CLCNKA: variants seen among roughly 807,000 people sequenced by gnomAD.
The protein encoded by CLCNKA is chloride voltage-gated channel Ka, also known as chloride channel protein ClC-Ka.
Under a neutral mutation model 83.3 loss-of-function variants are expected in CLCNKA, and 66 were observed. The observed-to-expected ratio is 0.79, with a 90% CI of 0.65 to 0.97. The LOEUF is 0.97. CLCNKA is among the 50% of genes least tolerant of loss of function. The pLI is 0.00. For synonymous variants in CLCNKA, 357 were observed against 370.4 expected (o/e 0.96, Z 0.42); for missense variants, 806 against 888.7 (o/e 0.91, Z 1.18).
intron 15 of CLCNKA, 56 bp from the exon 16 acceptor site, chr1:16,031,654 G>T: frequency 5.0e-6 from 8 of 1,612,746 alleles, no homozygotes; most frequent in Non-Finnish European, 6.8e-6. Flanking sequence ...TCCCCTTGCT[G>T]GCCTGGGTCT....
At chr1:16,028,224 C>G in intron 10 of CLCNKA, 105 bp downstream of exon 10, 1 of 1,044,006 alleles carries the variant, frequency 9.6e-7, no homozygotes, top group South Asian at 1.3e-5. Flanking sequence ...CCCCTAAATC[C>G]CTCCCTAGCC....
Position 16,031,860 on chromosome 1 carries a change from G to C in CLCNKA, c.1756+17G>C. 3.1e-6 allele frequency: 5 copies of C among 1,613,654 alleles called. No individual in the cohort carries two copies. Among genetic ancestry groups the C allele is most frequent in the Non-Finnish European group, 4.2e-6 (5 of 1,180,008 alleles). ...AGAGCACAGGTGCCCAGCTGGAAGGGAGGAGGAAGTCGGGGGTAGGGGATG... is the reference window on the plus strand; with the variant it reads ...AGAGCACAGGTGCCCAGCTGGAAGGCAGGAGGAAGTCGGGGGTAGGGGATG... On this transcript the variant is annotated intron_variant, in intron 16 of 19. Coordinates refer to ENST00000331433, the MANE Select transcript of CLCNKA (RefSeq NM_004070.4).
At chr1:16,026,268 A>G in intron 5 of CLCNKA, 21 bp downstream of exon 5, 1 of 1,612,208 alleles carries the variant, frequency 6.2e-7, no homozygotes, top group Non-Finnish European at 8.5e-7. Context: ...GTGTGAGGGC[A>G]CCCCAGCCAC....
At chr1:16,023,289 C>T (rs2022214691) in intron 2 of CLCNKA, among the ~76,000 whole-genome samples, 1 of 152,234 alleles carries the variant, frequency 6.6e-6, no homozygotes, top group Non-Finnish European at 1.5e-5. Flanking sequence ...GCCACAGGCC[C>T]TGGGACACGC....
In CLCNKA at chr1:16,030,012, C is replaced by A; in HGVS notation, c.1345C>A (p.Pro449Thr). ...LLGEALAVAF[P>T]EGIVTGGVTN... is the part of the protein sequence containing the mutation. ...GGGAGAGGCTCTTGCCGTCGCCTTC[C>A]CTGAGGGCATTGTGACTGGAGGGGT... The change falls in exon 14 of 20, where the codon CCT becomes ACT. Residue 449 changes from proline to threonine, a missense_variant. Physicochemically the swap from Pro to Thr is conservative, Grantham distance 38. Coordinates refer to ENST00000331433, the MANE Select transcript of CLCNKA (RefSeq NM_004070.4). The A allele has an allele frequency of 1.2e-6, 2 of 1,611,156 alleles. No individual in the cohort carries two copies. The highest frequency in any genetic ancestry group is 1.7e-6 in the Non-Finnish European group (2 of 1,177,728).
In CLCNKA at chr1:16,026,205, C is replaced by G; in HGVS notation, c.456C>G (p.Ser152=). ...TTGGGGCCAAGGTGGTGGGCCTCTC[C>G]TGCACCCTGGCCACCGGCAGCACCC... ...KNFGAKVVGL[S]CTLATGSTLF... The change falls in exon 5 of 20, where the codon TCC becomes TCG. Residue 152 remains serine (S), a synonymous_variant. Transcript: ENST00000331433. 2 of 1,613,934 alleles carry G rather than the reference C, an allele frequency of 1.2e-6. No homozygotes were observed. Among genetic ancestry groups the G allele is most frequent in the Non-Finnish European group, 1.7e-6 (2 of 1,180,026 alleles).
At chr1:16,023,279 G>A (rs1422457185) in intron 2 of CLCNKA, among the ~76,000 whole-genome samples, 1 of 152,218 alleles carries the variant, frequency 6.6e-6, no homozygotes, top group Non-Finnish European at 1.5e-5. Flanking sequence ...GATACCTGGC[G>A]CCACAGGCCC....
Position 16,032,447 on chromosome 1 carries a change from G to A in CLCNKA, c.1850G>A (p.Cys617Tyr). 2 of 1,612,610 alleles carry A rather than the reference G, an allele frequency of 1.2e-6. No homozygotes were observed. Among genetic ancestry groups the A allele is most frequent in the Non-Finnish European group, 1.7e-6 (2 of 1,179,314 alleles). The change falls in exon 18 of 20, where the codon TGT becomes TAT. Residue 617 changes from cysteine (C) to tyrosine (Y), a missense_variant. By Grantham distance (194) the Cys-to-Tyr change is radical. Transcript: ENST00000331433. ...ATAACTCTTCCCCACTCCCAGCAGT[G>A]TCTCCAGGACATCTTGGCCAGGGGC... Reference protein sequence around the residue: ...PPSRAPGHQQCLQDILARGCP... With the variant: ...PPSRAPGHQQYLQDILARGCP...
intron 18 of CLCNKA, 36 bp from the exon 19 acceptor site, chr1:16,033,134 C>T (rs760153509): frequency 3.1e-6 from 5 of 1,607,824 alleles, no homozygotes; most frequent in Non-Finnish European, 4.3e-6. Context: ...TGGGCGCCAT[C>T]TACCCTCCAG....
rs201643474 is a variant in CLCNKA at position 16,024,800 on chromosome 1, C to A, written c.267C>A (p.His89Gln). 31 of 1,614,032 alleles carry A rather than the reference C, an allele frequency of 1.9e-5. No homozygotes were observed. The highest frequency in any genetic ancestry group is 2.5e-5 in the Non-Finnish European group (29 of 1,180,038). The change falls in exon 4 of 20, where the codon CAC (histidine) becomes CAA (glutamine). Residue 89 changes from histidine to glutamine, a missense_variant. Transcript: ENST00000331433. ...QWLYREIGDS[H>Q]LLRYLSWTVY... is the part of the protein sequence containing the mutation. ...TGTACAGGGAGATTGGGGACAGCCACCTGCTCCGGTATCTTTCCTGGACTG... is the reference window on the plus strand; with the variant it reads ...TGTACAGGGAGATTGGGGACAGCCAACTGCTCCGGTATCTTTCCTGGACTG...
rs760288866 is a variant in CLCNKA at position 16,029,202 on chromosome 1, C to T, written c.1130C>T (p.Pro377Leu). The change falls in exon 12 of 20, where the codon CCC (proline) becomes CTC (leucine). Residue 377 changes from proline (P) to leucine (L), a missense_variant. Pro to Leu is a moderately conservative substitution (Grantham distance 98). Coordinates refer to ENST00000331433, the MANE Select transcript of CLCNKA (RefSeq NM_004070.4). ...WALMTQNSSP[P>L]WPEELDPQHL... ...CTGATGACCCAGAACTCCAGCCCAC[C>T]CTGGCCCGAGGAGCTCGACCCCCAG... The T allele has an allele frequency of 1.9e-6, 3 of 1,613,498 alleles. No homozygotes were observed. The highest frequency in any genetic ancestry group is 3.3e-5 in the Admixed American group (2 of 60,014).
At chr1:16,029,655 C>A in intron 12 of CLCNKA, 76 bp from the exon 13 acceptor site, 1 of 1,549,556 alleles carries the variant, frequency 6.5e-7, no homozygotes, top group Non-Finnish European at 8.9e-7. Flanking sequence ...ACTCCCCTGT[C>A]CCCTGTCCTG....
rs372743019 is a variant in CLCNKA, at chr1:16,029,089, G to T, written c.1054-37G>T. 12 of 1,602,734 alleles carry T rather than the reference G, an allele frequency of 7.5e-6. No homozygotes were observed. In the South Asian group the frequency reaches 9.9e-5, roughly 13 times the overall value. On this transcript the variant is annotated intron_variant, in intron 11 of 19. Transcript: ENST00000331433. ...GAGGCTGGGGTCTGCCGCTGGGGGG[G>T]GCCCCTCATGTCCAGTTCCCACCTG... is the stretch of plus-strand genomic sequence containing the variant.
Position 16,029,810 on chromosome 1 carries a change from G to T in CLCNKA, c.1297+10G>T. On this transcript the variant is annotated intron_variant, in intron 13 of 19. Coordinates refer to ENST00000331433, the MANE Select transcript of CLCNKA (RefSeq NM_004070.4). ...CCCATCTTTATCCTTGGTGAGTCTG[G>T]GGTCCTGAGGTTCTGAGAGTTTTGG... 1.2e-6 allele frequency: 2 copies of T among 1,614,092 alleles called. No individual in the cohort carries two copies. The highest frequency in any genetic ancestry group is 1.7e-6 in the Non-Finnish European group (2 of 1,180,002).
At position 16,026,626 on chromosome 1, in the gene CLCNKA, G is replaced by A. The variant is rs1324566914; in HGVS notation, c.576+13G>A. 2 of 1,613,998 alleles carry A rather than the reference G, an allele frequency of 1.2e-6. No homozygotes were observed. Among genetic ancestry groups the A allele is most frequent in the East Asian group, 4.5e-5 (2 of 44,874 alleles). On this transcript the variant is annotated intron_variant, in intron 6 of 19. Coordinates refer to ENST00000331433, the MANE Select transcript of CLCNKA (RefSeq NM_004070.4). ...CGGGGAGCCTGAGGTTAGGGACTCG[G>A]GGGCTTCCTTGGAGAAATGGGAGTG...
At chr1:16,029,411 T>G (rs1483508513) in intron 12 of CLCNKA, 112 bp downstream of exon 12, 13 of 1,506,004 alleles carry the variant, frequency 8.6e-6, no homozygotes, top group African/African-American at 1.4e-5. Context: ...TCACCCACAC[T>G]TCCTTCTGTG....
At chr1:16,025,421 CA>C (rs1366940114) in intron 4 of CLCNKA, among the ~76,000 whole-genome samples, 3 of 152,214 alleles carry the variant, frequency 2.0e-5, no homozygotes, top group Admixed American at 6.5e-5. Flanking sequence ...TCTATAATCC[CA>C]GCACTTTGGG....
chr1:16,033,283 A>G (rs368630991), intron 19 of CLCNKA, 27 bp downstream of exon 19: 23 of 1,611,378 alleles, frequency 1.4e-5, no homozygotes, highest in Non-Finnish European at 1.9e-5. Flanking sequence ...GGCAGAGCAA[A>G]GCAGGGGACC....
At chr1:16,031,958 G>T in intron 16 of CLCNKA, 115 bp downstream of exon 16, 1 of 1,553,344 alleles carries the variant, frequency 6.4e-7, no homozygotes, top group Non-Finnish European at 8.8e-7. Context: ...GCAACCAACC[G>T]TGTGACCTTG....
Sources: gnomAD v4.1 joint callset for allele counts (sites outside exome capture counted in the v4.1 genomes callset) on GRCh38, gnomAD v4.1.1 for gene constraint, MANE v1.5 for transcripts, NCBI Gene and HGNC (gene_info 2026-07-23, HGNC 2026-07-21) for gene names.